The following NCKAP5 variants were observed in gnomAD, a reference collection of about 807,000 sequenced individuals.
NCKAP5 encodes nck-associated protein 5.
Under a neutral mutation model 167.0 loss-of-function variants are expected in NCKAP5, and 92 were observed. The ratio of observed to expected loss-of-function variants is 0.55; its 90% CI spans 0.47 to 0.66. The LOEUF (loss-of-function observed/expected upper bound fraction) is 0.66. Among genes scored for constraint, NCKAP5 ranks in the 30% least tolerant of loss-of-function variants. The pLI is 0.00. For synonymous variants in NCKAP5, 891 were observed against 877.4 expected, an observed-to-expected ratio of 1.02 and a Z score of -0.27; for missense variants, 2,378 against 2,315.0, an observed-to-expected ratio of 1.03 and a Z score of -0.56.
At chr2:132,740,094 C>T (rs1414064531) in intron 16 of NCKAP5, among the ~76,000 whole-genome samples, 3 of 152,054 alleles carry the variant, frequency 2.0e-5, no homozygotes, top group Non-Finnish European at 4.4e-5. Context: ...ACCTTTTTCC[C>T]CTCTGCAACC....
chr2:132,784,987 G>A lies in NCKAP5; in HGVS notation c.1824C>T (p.Ala608=), dbSNP rs373377710. 2.7e-5 allele frequency: 43 copies of A among 1,613,622 alleles called. No individual in the cohort carries two copies. The highest frequency in any genetic ancestry group is 1.6e-4 in the Middle Eastern group (1 of 6,084). Residue 608 remains alanine (A), a synonymous_variant, in exon 14 of 20, where the codon GCC becomes GCT. Coordinates refer to ENST00000409261, the MANE Select transcript of NCKAP5 (RefSeq NM_207363.3). The stretch of plus-strand genomic sequence containing the variant: ...GGTTCTCCACGGACTTATCGGTGTC[G>A]GCAGCCAATGACACGTCTGAAGGAC... ...EKSPSDVSLA[A]DTDKSVENLD...
chr2:133,417,973 G>A (rs571212273), intron 3 of NCKAP5, among the ~76,000 whole-genome samples: 2 of 152,304 alleles, frequency 1.3e-5, no homozygotes, highest in South Asian at 2.1e-4. Context: ...GAGGGAATAC[G>A]TTTCTTAGAT....
intron 11 of NCKAP5, among the ~76,000 whole-genome samples, chr2:132,842,621 T>C (rs908398310): frequency 1.3e-5 from 2 of 152,058 alleles, no homozygotes; most frequent in Non-Finnish European, 2.9e-5. Context: ...GGCACCATCA[T>C]GGCTCACTGC....
At chr2:133,174,605 T>C (rs2084377608) in intron 5 of NCKAP5, among the ~76,000 whole-genome samples, 1 of 152,150 alleles carries the variant, frequency 6.6e-6, no homozygotes, top group South Asian at 2.1e-4. Flanking sequence ...TATTAAAAGC[T>C]CCTTTTAGGT....
chr2:133,350,882 C>T (rs1684315946), intron 3 of NCKAP5, among the ~76,000 whole-genome samples: 1 of 152,074 alleles, frequency 6.6e-6, no homozygotes, highest in Admixed American at 6.6e-5. Flanking sequence ...CCTTCACACC[C>T]TCTCCCTCTC....
chr2:133,547,689 A>T (rs1363486146), intron 2 of NCKAP5, among the ~76,000 whole-genome samples: 1 of 150,918 alleles, frequency 6.6e-6, no homozygotes, highest in Non-Finnish European at 1.5e-5. Flanking sequence ...AAGGAAAACT[A>T]ACAAACAGAA....
At chr2:132,735,563 G>A (rs2105521861) in intron 16 of NCKAP5, among the ~76,000 whole-genome samples, 1 of 152,182 alleles carries the variant, frequency 6.6e-6, no homozygotes, top group South Asian at 2.1e-4. Flanking sequence ...AAATTACCTA[G>A]CGTCAGGTAT....
the NCKAP5 span, among the ~76,000 whole-genome samples, chr2:133,659,379 T>G: frequency 6.6e-6 from 1 of 152,098 alleles, no homozygotes; most frequent in Non-Finnish European, 1.5e-5. Context: ...AAGCTAAAAG[T>G]ATAAAACTTC....
At chr2:133,667,561 A>T in the NCKAP5 span, among the ~76,000 whole-genome samples, 1 of 152,046 alleles carries the variant, frequency 6.6e-6, no homozygotes, top group Admixed American at 6.5e-5. Flanking sequence ...TTTCTACTAC[A>T]AACAGGACAA....
chr2:133,344,727 A>G (rs1010388310), intron 3 of NCKAP5, among the ~76,000 whole-genome samples: 1 of 152,114 alleles, frequency 6.6e-6, no homozygotes, highest in Non-Finnish European at 1.5e-5. Context: ...GTCAAAGGCA[A>G]TCTCGAGAAA....
At chr2:133,134,015 A>C (rs1165101184) in intron 5 of NCKAP5, among the ~76,000 whole-genome samples, 1 of 152,262 alleles carries the variant, frequency 6.6e-6, no homozygotes, top group African/African-American at 2.4e-5. Flanking sequence ...AAAAAATTTA[A>C]GCATGACACA....
intron 5 of NCKAP5, among the ~76,000 whole-genome samples, chr2:133,203,227 C>A (rs1206058866): frequency 6.6e-6 from 1 of 152,126 alleles, no homozygotes; most frequent in Admixed American, 6.5e-5. Flanking sequence ...AGGATGAGTT[C>A]ATGTCCTTTG....
chr2:133,406,270 T>C (rs1688421812), intron 3 of NCKAP5, among the ~76,000 whole-genome samples: 1 of 152,224 alleles, frequency 6.6e-6, no homozygotes, highest in Non-Finnish European at 1.5e-5. Context: ...CTAAGTTGAT[T>C]TGTACTAACA....
At chr2:132,789,237 C>T (rs182874482) in intron 13 of NCKAP5, among the ~76,000 whole-genome samples, 117 of 152,236 alleles carry the variant, frequency 7.7e-4, no homozygotes, top group African/African-American at 2.6e-3. Context: ...ATTCACAAAG[C>T]GAGGAAACAT....
chr2:132,894,701 TCAGG>T (rs1693000664), intron 8 of NCKAP5, among the ~76,000 whole-genome samples: 1 of 152,204 alleles, frequency 6.6e-6, no homozygotes, highest in African/African-American at 2.4e-5. Context: ...AATTTGATCA[TCAGG>T]CATGAGCTCT....
chr2:133,077,487 G>T (rs897418175), intron 6 of NCKAP5, among the ~76,000 whole-genome samples: 1 of 152,194 alleles, frequency 6.6e-6, no homozygotes, highest in Non-Finnish European at 1.5e-5. Context: ...TCCAGATGGT[G>T]CCTCTTTGGA....
chr2:133,098,099 A>G (rs115545675), intron 6 of NCKAP5, among the ~76,000 whole-genome samples: 2,513 of 152,342 alleles, frequency 0.016, 84 homozygotes, highest in African/African-American at 0.056. Flanking sequence ...ATTTTAAGAA[A>G]GGCACAAAAG....
chr2:133,088,295 C>G (rs1376317725), intron 6 of NCKAP5, among the ~76,000 whole-genome samples: 3 of 152,164 alleles, frequency 2.0e-5, no homozygotes, highest in African/African-American at 7.2e-5. Context: ...GCAGAAGCCC[C>G]TTGAATATTT....
intron 2 of NCKAP5, among the ~76,000 whole-genome samples, chr2:133,542,862 C>A (rs1306480557): frequency 6.6e-6 from 1 of 152,132 alleles, no homozygotes; most frequent in African/African-American, 2.4e-5. Context: ...GATATAAAAT[C>A]ACTTAAGTTA....
Sources: gnomAD v4.1 joint callset for allele counts (sites outside exome capture counted in the v4.1 genomes callset) on GRCh38, gnomAD v4.1.1 for gene constraint, MANE v1.5 for transcripts, NCBI Gene and HGNC (gene_info 2026-07-23, HGNC 2026-07-21) for gene names.